The following CCDC158 variants were observed in gnomAD, a reference collection of about 807,000 sequenced individuals.
CCDC158 encodes coiled-coil domain containing 158.
In CCDC158, 116 loss-of-function variants were observed where a neutral mutation model predicts 138.6. The ratio of observed to expected loss-of-function variants is 0.84; its 90% CI spans 0.72 to 0.98. The LOEUF (loss-of-function observed/expected upper bound fraction) is 0.98. Ranked by LOEUF, CCDC158 falls within the 50% of genes least tolerant of loss-of-function variation. CCDC158 has a pLI of 0.00. For synonymous variants in CCDC158, 436 were observed against 442.4 expected (o/e 0.99, Z 0.18); for missense variants, 1,265 against 1,306.1 (o/e 0.97, Z 0.48).
At chr4:76,363,209 C>G (rs1724322975) in intron 12 of CCDC158, among the ~76,000 whole-genome samples, 1 of 152,134 alleles carries the variant, frequency 6.6e-6, no homozygotes, top group Non-Finnish European at 1.5e-5. Context: ...ATATAAAAAC[C>G]CGGGCACTGA....
chr4:76,323,603 T>C (rs1334247388), intron 23 of CCDC158, among the ~76,000 whole-genome samples, 194 bp from the exon 24 acceptor site: 1 of 152,236 alleles, frequency 6.6e-6, no homozygotes, highest in Non-Finnish European at 1.5e-5. Context: ...GAGTTTTATC[T>C]AAATATTGCA....
intron 12 of CCDC158, among the ~76,000 whole-genome samples, chr4:76,363,409 T>A (rs1578978682): frequency 6.6e-6 from 1 of 152,320 alleles, no homozygotes; most frequent in East Asian, 1.9e-4. Flanking sequence ...TTTTGCTTTG[T>A]ATCCTTTCAC....
In CCDC158 at chr4:76,384,607, T is replaced by C. The variant is rs1423216111; in HGVS notation, c.347A>G (p.Gln116Arg). The change falls in exon 5 of 25, where the codon CAA (glutamine) becomes CGA (arginine). Residue 116 changes from glutamine (Q) to arginine (R), a missense_variant. By Grantham distance (43) the Gln-to-Arg change is conservative (BLOSUM62 1). Coordinates refer to ENST00000682701, the MANE Select transcript of CCDC158 (RefSeq NM_001394954.1). ...CATTTGCATCTCCTGAAGTTTTGTT[T>C]GCAAATCAATGACTGACTGCCTCAA... ...FYLRQSVIDL[Q>R]TKLQEMQMER... The C allele has an allele frequency of 6.2e-7, 1 of 1,613,890 alleles. No individual in the cohort carries two copies. Among genetic ancestry groups the C allele is most frequent in the Admixed American group, 1.7e-5 (1 of 60,010 alleles).
At chr4:76,373,440 A>G (rs930762010) in intron 9 of CCDC158, among the ~76,000 whole-genome samples, 1 of 152,180 alleles carries the variant, frequency 6.6e-6, no homozygotes, top group African/African-American at 2.4e-5. Flanking sequence ...TAGGTTTCCA[A>G]TCTACTGTCA....
chr4:76,366,293 C>T lies in CCDC158; in HGVS notation c.1830+1001G>A, dbSNP rs542519913. Among the ~76,000 whole-genome samples, 4 of 152,186 alleles carry T rather than the reference C, an allele frequency of 2.6e-5. No homozygotes were observed. The East Asian group carries it at 7.7e-4, about 29-fold the overall frequency. ...GTAAAAACTTAAGCAATAGAAAATT[C>T]TATTTTTAATGCAATGAACTTGTTT... On this transcript the variant is annotated intron_variant, in intron 12 of 24. Coordinates refer to ENST00000682701, the MANE Select transcript of CCDC158 (RefSeq NM_001394954.1).
At chr4:76,389,412 C>A (rs1282593876) in intron 4 of CCDC158, among the ~76,000 whole-genome samples, 2 of 151,594 alleles carry the variant, frequency 1.3e-5, no homozygotes, top group Non-Finnish European at 2.9e-5. Flanking sequence ...AATATACAGT[C>A]AGAGGAAACA....
upstream of CCDC158, among the ~76,000 whole-genome samples, chr4:76,421,317 G>T (rs1730112016): frequency 6.6e-6 from 1 of 152,050 alleles, no homozygotes; most frequent in African/African-American, 2.4e-5. Flanking sequence ...TCCGCCCGCC[G>T]GACGCCGTCG....
chr4:76,414,660 G>A (rs895851928), intron 1 of CCDC158, among the ~76,000 whole-genome samples: 7 of 152,280 alleles, frequency 4.6e-5, no homozygotes, highest in East Asian at 3.9e-4. Flanking sequence ...GGTCTTTCCC[G>A]TGCTATTCTT....
At chr4:76,372,093 G>A (rs985438702) in intron 9 of CCDC158, among the ~76,000 whole-genome samples, 3 of 151,844 alleles carry the variant, frequency 2.0e-5, no homozygotes, top group African/African-American at 7.3e-5. Flanking sequence ...TCTGTCTCCT[G>A]TTTTCATACT....
intron 2 of CCDC158, among the ~76,000 whole-genome samples, chr4:76,410,338 C>T (rs1051566544): frequency 5.9e-5 from 9 of 152,130 alleles, no homozygotes; most frequent in African/African-American, 2.2e-4. Flanking sequence ...GCATGTGGCA[C>T]CTTGCCCAAC....
chr4:76,350,379 C>A (rs1722936225), intron 18 of CCDC158, among the ~76,000 whole-genome samples: 1 of 152,140 alleles, frequency 6.6e-6, no homozygotes, highest in South Asian at 2.1e-4. Context: ...GGACTTTTAA[C>A]TAATTTAATT....
At chr4:76,350,577 TTTAA>T (rs1722952631) in intron 18 of CCDC158, among the ~76,000 whole-genome samples, 1 of 152,160 alleles carries the variant, frequency 6.6e-6, no homozygotes, top group Admixed American at 6.5e-5. Flanking sequence ...TTTCTAATAT[TTTAA>T]TTAAAGGGAA....
intron 18 of CCDC158, among the ~76,000 whole-genome samples, chr4:76,336,675 G>C (rs575668046): frequency 6.6e-6 from 1 of 152,210 alleles, no homozygotes; most frequent in South Asian, 2.1e-4. Context: ...TAAGAAACAA[G>C]CATAACATAA....
intron 2 of CCDC158, among the ~76,000 whole-genome samples, chr4:76,409,923 G>A (rs575552291): frequency 6.6e-6 from 1 of 151,696 alleles, no homozygotes; most frequent in Non-Finnish European, 1.5e-5. Flanking sequence ...AAAAAAAAAG[G>A]TCTAAGAAAC....
chr4:76,332,159 C>G (rs1210359671), intron 20 of CCDC158, among the ~76,000 whole-genome samples: 2 of 151,962 alleles, frequency 1.3e-5, no homozygotes, highest in African/African-American at 4.8e-5. Context: ...TAGAAAAAGT[C>G]TTCCATTTTT....
intron 9 of CCDC158, among the ~76,000 whole-genome samples, chr4:76,373,849 A>G (rs889473715): frequency 6.6e-6 from 1 of 152,224 alleles, no homozygotes; most frequent in Non-Finnish European, 1.5e-5. Context: ...TACACGTAAA[A>G]TATTAGATCA....
intron 18 of CCDC158, among the ~76,000 whole-genome samples, chr4:76,337,437 T>C (rs554409326): frequency 2.6e-5 from 4 of 152,252 alleles, no homozygotes; most frequent in African/African-American, 9.6e-5. Flanking sequence ...TTTTTAAAAT[T>C]AGAAAATAGC....
intron 9 of CCDC158, among the ~76,000 whole-genome samples, chr4:76,371,807 G>A (rs1388942326): frequency 6.6e-6 from 1 of 151,976 alleles, no homozygotes; most frequent in Non-Finnish European, 1.5e-5. Flanking sequence ...GCATGGTAGT[G>A]GGCGCCTGTA....
chr4:76,319,473 T>A (rs1185325978), intron 24 of CCDC158, among the ~76,000 whole-genome samples: 26 of 12,354 alleles, frequency 2.1e-3, no homozygotes, highest in African/African-American at 5.4e-3. Flanking sequence ...AAAATATATA[T>A]ATATATATAT....
Sources: allele counts gnomAD v4.1 joint callset (sites outside exome capture counted in the v4.1 genomes callset), GRCh38; gene constraint gnomAD v4.1.1; transcripts MANE v1.5; gene names NCBI Gene and HGNC (gene_info 2026-07-23, HGNC 2026-07-21).